Variants in SATB2 observed in about 807,000 individuals in gnomAD.
SATB2 encodes the protein DNA-binding protein SATB2.
In SATB2, 1 loss-of-function variant was observed where a neutral mutation model predicts 73.4. The observed-to-expected ratio is 0.01, with a 90% CI of 0.00 to 0.06. The LOEUF is 0.06. Ranked by LOEUF, SATB2 falls within the 10% of genes least tolerant of loss-of-function variation. The pLI, the probability that SATB2 is intolerant of heterozygous loss-of-function variation, is 1.00. For missense variants in SATB2, 459 were observed against 945.8 expected (o/e 0.49, Z 6.75); for synonymous variants, 397 against 367.0 (o/e 1.08, Z -0.93).
intron 7 of SATB2, among the ~76,000 whole-genome samples, chr2:199,342,242 T>C (rs1396804669): frequency 6.6e-6 from 1 of 152,068 alleles, no homozygotes; most frequent in Non-Finnish European, 1.5e-5. Flanking sequence ...TGTAAAATCA[T>C]CCATCTCACT....
intron 6 of SATB2, among the ~76,000 whole-genome samples, chr2:199,351,328 AT>A (rs1160125311): frequency 6.6e-6 from 1 of 151,732 alleles, no homozygotes; most frequent in Non-Finnish European, 1.5e-5. Context: ...TGCCCAGCTA[AT>A]TTTTTGTATT....
At chr2:199,461,286 G>C (rs1454107305), upstream of SATB2, among the ~76,000 whole-genome samples, 3 of 151,942 alleles carry the variant, frequency 2.0e-5, no homozygotes, top group Non-Finnish European at 4.4e-5. Context: ...TTTTTGTATT[G>C]ACCTTATTTC....
At chr2:199,332,183 A>G (rs1559166164) in intron 7 of SATB2, among the ~76,000 whole-genome samples, 1 of 152,160 alleles carries the variant, frequency 6.6e-6, no homozygotes, top group Non-Finnish European at 1.5e-5. Context: ...GAGTAAAGTG[A>G]TCATTAAGTA....
At chr2:199,419,328 A>G (rs915870017) in intron 3 of SATB2, among the ~76,000 whole-genome samples, 1 of 152,216 alleles carries the variant, frequency 6.6e-6, no homozygotes, top group African/African-American at 2.4e-5. Flanking sequence ...AAGTCAACAC[A>G]TATCTTCCAG....
At chr2:199,374,890 G>A (rs1014968653) in intron 5 of SATB2, among the ~76,000 whole-genome samples, 1 of 151,778 alleles carries the variant, frequency 6.6e-6, no homozygotes, top group Non-Finnish European at 1.5e-5. Context: ...CTTCTGCCCG[G>A]GAGGCAGAGG....
At chr2:199,342,794 A>T (rs1190977964) in intron 7 of SATB2, among the ~76,000 whole-genome samples, 2 of 152,224 alleles carry the variant, frequency 1.3e-5, no homozygotes, top group African/African-American at 4.8e-5. Flanking sequence ...TGGATAGGGC[A>T]TCATTTTATC....
upstream of SATB2, among the ~76,000 whole-genome samples, chr2:199,461,897 A>G (rs544250409): frequency 6.6e-6 from 1 of 152,140 alleles, no homozygotes; most frequent in East Asian, 1.9e-4. Flanking sequence ...GTCGACACCA[A>G]GTTTTTGTTG....
intron 10 of SATB2, among the ~76,000 whole-genome samples, chr2:199,293,656 T>C (rs1372482525): frequency 1.3e-5 from 2 of 152,170 alleles, no homozygotes; most frequent in Admixed American, 6.5e-5. Context: ...TTATCCATGA[T>C]ATGCTATTAC....
At chr2:199,466,458 C>T (rs1486744141), upstream of SATB2, among the ~76,000 whole-genome samples, 1 of 152,178 alleles carries the variant, frequency 6.6e-6, no homozygotes, top group African/African-American at 2.4e-5. Flanking sequence ...CAGCCCTTGT[C>T]CCCCAAGCTG....
intron 9 of SATB2, among the ~76,000 whole-genome samples, chr2:199,309,506 T>TTGAGCTCTAGGCCCTCTTA (rs1248332013): frequency 6.6e-6 from 1 of 152,234 alleles, no homozygotes; most frequent in Admixed American, 6.5e-5. Flanking sequence ...AATCTCTGAA[T>TTGAGCTCTAGGCCCTCTTA]ACCTCGGGCT....
chr2:199,314,326 TA>T (rs1269827245), intron 9 of SATB2, among the ~76,000 whole-genome samples: 2 of 152,218 alleles, frequency 1.3e-5, no homozygotes, highest in Non-Finnish European at 2.9e-5. Context: ...AGGAATGTTT[TA>T]TGGACTCAAA....
At chr2:199,391,589 T>C (rs1230842916) in intron 3 of SATB2, among the ~76,000 whole-genome samples, 4 of 152,208 alleles carry the variant, frequency 2.6e-5, no homozygotes, top group African/African-American at 4.8e-5. Context: ...ATTCTGACAG[T>C]TCCTTGATTT....
rs369440465 is a variant in SATB2 at position 199,400,638 on chromosome 2, T to C, written c.347-18818A>G. On this transcript the variant is annotated intron_variant, in intron 3 of 10. Coordinates refer to ENST00000417098, the MANE Select transcript of SATB2 (RefSeq NM_001172509.2). The stretch of plus-strand genomic sequence containing the variant: ...ATAATATCATGAATGAAGAGTCTAT[T>C]TGTGGCAAATACAGAGCTAAGATTT... 3.3e-5 allele frequency among the ~76,000 whole-genome samples: 5 copies of C among 152,354 alleles called. No homozygotes were observed. In the East Asian group the frequency reaches 7.7e-4, roughly 23 times the overall value.
At chr2:199,352,757 G>A (rs1052719957) in intron 6 of SATB2, among the ~76,000 whole-genome samples, 4 of 152,066 alleles carry the variant, frequency 2.6e-5, no homozygotes, top group African/African-American at 9.7e-5. Context: ...ACCTCAGCCA[G>A]TTTCTGTCTT....
chr2:199,468,998 G>A (rs1291453409), upstream of SATB2: 4 of 152,262 alleles, frequency 2.6e-5, no homozygotes, highest in Admixed American at 6.5e-5. Flanking sequence ...CCGATTCCGC[G>A]AGGCGGGCGT....
In SATB2 at chr2:199,269,505, T is replaced by G. The variant is rs1288334121; in HGVS notation, c.*2706A>C. ...AAAATAACTGACAAACAAAGTCATATTTATTGAATGCGTTTATTTTAACAA... is the reference window on the plus strand; with the variant it reads ...AAAATAACTGACAAACAAAGTCATAGTTATTGAATGCGTTTATTTTAACAA... On this transcript the variant is annotated 3_prime_UTR_variant, in exon 11 of 11. Coordinates refer to ENST00000417098, the MANE Select transcript of SATB2 (RefSeq NM_001172509.2). 6.5e-6 allele frequency: 1 copy of G among 152,738 alleles called. No individual in the cohort carries two copies. The highest frequency in any genetic ancestry group is 1.5e-5 in the Non-Finnish European group (1 of 68,028). The allele number at this position is 152,738 out of a possible 1,614,324, so 9.5% of individuals were successfully genotyped here. A position where few individuals can be genotyped will look rare whatever the true frequency, so the allele number is the denominator to read the frequency against.
chr2:199,297,958 C>T (rs1450411663), intron 10 of SATB2, among the ~76,000 whole-genome samples: 1 of 152,012 alleles, frequency 6.6e-6, no homozygotes, highest in African/African-American at 2.4e-5. Context: ...TGTAGGAAGG[C>T]CATATGAAAC....
intron 7 of SATB2, among the ~76,000 whole-genome samples, chr2:199,334,418 C>T (rs530739989): frequency 1.2e-4 from 19 of 152,200 alleles, no homozygotes; most frequent in African/African-American, 4.6e-4. Flanking sequence ...GGTGTCATAA[C>T]CAATTAGTAA....
At chr2:199,298,219 C>T (rs1574483223) in intron 10 of SATB2, among the ~76,000 whole-genome samples, 1 of 152,158 alleles carries the variant, frequency 6.6e-6, no homozygotes, top group South Asian at 2.1e-4. Flanking sequence ...TTCAAATAAC[C>T]CCATCAATTT....
Sources: gnomAD v4.1 joint callset for allele counts (sites outside exome capture counted in the v4.1 genomes callset) on GRCh38, gnomAD v4.1.1 for gene constraint, MANE v1.5 for transcripts, NCBI Gene and HGNC (gene_info 2026-07-23, HGNC 2026-07-21) for gene names.